SASH1: variants seen among roughly 807,000 people sequenced by gnomAD.
The protein encoded by SASH1 is SAM and SH3 domain containing 1.
In SASH1, 44 loss-of-function variants were observed where a neutral mutation model predicts 125.2. The observed-to-expected ratio is 0.35, with a 90% CI of 0.28 to 0.45. SASH1 has a LOEUF of 0.45. Among genes scored for constraint, SASH1 ranks in the 20% least tolerant of loss-of-function variants. The pLI is 1.00. For synonymous variants in SASH1, 639 were observed against 649.1 expected (o/e 0.98, Z 0.24); for missense variants, 1,426 against 1,614.5 (o/e 0.88, Z 2.00).
chr6:148,326,350 A>G (rs1429031016), intron 1 of SASH1, among the ~76,000 whole-genome samples: 2 of 84,394 alleles, frequency 2.4e-5, no homozygotes, highest in African/African-American at 4.7e-5. Context: ...ATATATATAT[A>G]TATATATGCA....
intron 2 of SASH1, among the ~76,000 whole-genome samples, chr6:148,421,958 C>T (rs1001684639): frequency 7.9e-5 from 12 of 152,124 alleles, no homozygotes; most frequent in Non-Finnish European, 1.3e-4. Context: ...CCATTTAGTC[C>T]ATTATCATAA....
chr6:148,410,726 A>G (rs1446342652), intron 2 of SASH1, among the ~76,000 whole-genome samples: 2 of 152,224 alleles, frequency 1.3e-5, no homozygotes, highest in Non-Finnish European at 2.9e-5. Context: ...AAGGAAATAA[A>G]CAACCATGTT....
intron 1 of SASH1, among the ~76,000 whole-genome samples, chr6:148,369,977 A>AAC (rs1782647306): frequency 1.4e-5 from 2 of 144,892 alleles, no homozygotes; most frequent in Middle Eastern, 3.4e-3. Flanking sequence ...AAAAAAAAAA[A>AAC]AAAAAAAAAG....
chr6:148,231,258 T>C, the SASH1 span, among the ~76,000 whole-genome samples: 106 of 152,362 alleles, frequency 7.0e-4, no homozygotes, highest in African/African-American at 2.3e-3. Flanking sequence ...TTAATTGTTC[T>C]GACATCCTTG....
At chr6:148,201,653 A>C in the SASH1 span, among the ~76,000 whole-genome samples, 1 of 152,184 alleles carries the variant, frequency 6.6e-6, no homozygotes. Context: ...CTTTCCTTAG[A>C]GAAGAGACTG....
At chr6:148,272,382 G>A (rs1214045841) in intron 1 of SASH1, 2 of 470,256 alleles carry the variant, frequency 4.3e-6, no homozygotes, top group Non-Finnish European at 8.8e-6. Context: ...TGCAGGGTAT[G>A]TAGGCTGTCT....
At chr6:148,347,966 A>G (rs1781574011) in intron 1 of SASH1, among the ~76,000 whole-genome samples, 1 of 152,178 alleles carries the variant, frequency 6.6e-6, no homozygotes, top group Non-Finnish European at 1.5e-5. Flanking sequence ...TTCTTTGGCA[A>G]AGACTAAGTC....
At chr6:148,327,287 C>CT (rs757257278) in intron 1 of SASH1, among the ~76,000 whole-genome samples, 9,371 of 140,906 alleles carry the variant, frequency 0.067, 351 homozygotes, top group South Asian at 0.092. Context: ...ATATAAATTT[C>CT]TTTTTTTTTT....
chr6:148,390,943 TTC>T (rs1175111502), intron 2 of SASH1, among the ~76,000 whole-genome samples: 1 of 151,922 alleles, frequency 6.6e-6, no homozygotes, highest in African/African-American at 2.4e-5. Flanking sequence ...TTTTCTTTTC[TTC>T]TCTTTTTCTT....
At chr6:148,281,297 C>A (rs1779334916) in intron 1 of SASH1, among the ~76,000 whole-genome samples, 1 of 151,912 alleles carries the variant, frequency 6.6e-6, no homozygotes, top group African/African-American at 2.4e-5. Flanking sequence ...ATCCAGGAAA[C>A]AACAGCCTGG....
At chr6:148,266,991 C>T in the SASH1 span, among the ~76,000 whole-genome samples, 86 of 152,224 alleles carry the variant, frequency 5.6e-4, no homozygotes, top group Non-Finnish European at 1.0e-3. Context: ...GAGGTAGTAG[C>T]ATGCCTAAGG....
upstream of SASH1, among the ~76,000 whole-genome samples, chr6:148,340,620 T>A (rs529903522): frequency 2.0e-5 from 3 of 151,182 alleles, no homozygotes; most frequent in Admixed American, 6.6e-5. Context: ...GAAATGACAA[T>A]TAAAAAAACC....
intron 1 of SASH1, among the ~76,000 whole-genome samples, chr6:148,302,204 A>G (rs1237278819): frequency 6.8e-6 from 1 of 147,748 alleles, no homozygotes; most frequent in Non-Finnish European, 1.5e-5. Flanking sequence ...AGTCCCAGCT[A>G]CTCGGGAGGC....
chr6:148,336,392 G>A (rs1234470848), intron 1 of SASH1, among the ~76,000 whole-genome samples: 1 of 151,906 alleles, frequency 6.6e-6, no homozygotes, highest in African/African-American at 2.4e-5. Context: ...TGGCCAGGCT[G>A]GTCTCAAACT....
In SASH1 at chr6:148,520,087, A is replaced by C. The variant is rs376691154; in HGVS notation, c.1209+194A>C. 2.8e-5 allele frequency: 16 copies of C among 573,226 alleles called. No homozygotes were observed. The East Asian group carries it at 4.3e-4, about 15-fold the overall frequency. 35.5% of individuals were successfully genotyped at this position (573,226 alleles called of 1,614,324 possible). On this transcript the variant is annotated intron_variant, in intron 10 of 19. Coordinates refer to ENST00000367467, the MANE Select transcript of SASH1 (RefSeq NM_015278.5). ...GTCACCAGCACCACCTGTGACCTGC[A>C]GCTGCTCCGGCAGAAAGGCAAAGGG...
At chr6:148,315,591 G>A (rs1034953010) in intron 1 of SASH1, among the ~76,000 whole-genome samples, 6 of 152,146 alleles carry the variant, frequency 3.9e-5, no homozygotes, top group African/African-American at 1.4e-4. Context: ...AGTTATGGGA[G>A]CTTTCTTACC....
the SASH1 span, among the ~76,000 whole-genome samples, chr6:148,217,440 A>C: frequency 6.6e-6 from 1 of 152,236 alleles, no homozygotes; most frequent in Non-Finnish European, 1.5e-5. Context: ...TTACCATGTT[A>C]TCACTTTCCA....
At chr6:148,348,661 A>T (rs1490435305) in intron 1 of SASH1, among the ~76,000 whole-genome samples, 1 of 152,296 alleles carries the variant, frequency 6.6e-6, no homozygotes, top group Middle Eastern at 3.4e-3. Flanking sequence ...AGTCATGCAG[A>T]TAGTAGATGG....
intron 1 of SASH1, among the ~76,000 whole-genome samples, chr6:148,353,960 A>G (rs112149003): frequency 1.5e-3 from 228 of 152,262 alleles, no homozygotes; most frequent in African/African-American, 5.0e-3. Context: ...GCTTGAGGCC[A>G]GGAGTTCAAG....
Sources: allele counts gnomAD v4.1 joint callset (sites outside exome capture counted in the v4.1 genomes callset), GRCh38; gene constraint gnomAD v4.1.1; transcripts MANE v1.5; gene names NCBI Gene and HGNC (gene_info 2026-07-23, HGNC 2026-07-21).